The following PTPRG variants were observed in gnomAD, a reference collection of about 807,000 sequenced individuals.
The protein encoded by PTPRG is protein tyrosine phosphatase receptor type G.
A neutral mutation model predicts 165.3 loss-of-function variants in PTPRG; 102 were observed. The ratio of observed to expected loss-of-function variants is 0.62; its 90% CI spans 0.53 to 0.73. The LOEUF (loss-of-function observed/expected upper bound fraction) is 0.73. Ranked by LOEUF, PTPRG falls within the 30% of genes least tolerant of loss-of-function variation. The pLI is 0.00. For missense variants in PTPRG, 1,866 were observed against 1,861.4 expected, an observed-to-expected ratio of 1.00 and a Z score of -0.05; for synonymous variants, 675 against 669.5, an observed-to-expected ratio of 1.01 and a Z score of -0.13.
intron 1 of PTPRG, among the ~76,000 whole-genome samples, chr3:61,662,661 A>G (rs1236927671): frequency 4.6e-5 from 7 of 152,242 alleles, no homozygotes; most frequent in South Asian, 4.1e-4. Flanking sequence ...AACTGAATCC[A>G]TAAGAAGATG....
rs2106912659 is a variant in PTPRG, at chr3:62,228,084, C to T, written c.2289-3141C>T. Among the ~76,000 whole-genome samples the T allele has an allele frequency of 6.6e-6, 1 of 152,172 alleles. No homozygotes were observed. Among genetic ancestry groups the T allele is most frequent in the Non-Finnish European group, 1.5e-5 (1 of 68,010 alleles). The stretch of plus-strand genomic sequence containing the variant: ...TGGCCCCTGTGGGTGGTTGATTTTG[C>T]ATTCCCCTGGGTTGCAATAGTGATC... On this transcript the variant is annotated intron_variant, in intron 13 of 29. Coordinates refer to ENST00000474889, the MANE Select transcript of PTPRG (RefSeq NM_002841.4). The surrounding 1 kb of genome is among the most constrained non-coding windows in gnomAD (Gnocchi z 4.1).
chr3:61,709,369 C>G (rs765583127), intron 1 of PTPRG, among the ~76,000 whole-genome samples: 1 of 151,988 alleles, frequency 6.6e-6, no homozygotes, highest in Non-Finnish European at 1.5e-5. Flanking sequence ...GGCTGGAGTG[C>G]AGTGGCGCAA....
At chr3:62,099,230 G>A (rs1234738015) in intron 5 of PTPRG, among the ~76,000 whole-genome samples, 1 of 152,196 alleles carries the variant, frequency 6.6e-6, no homozygotes, top group African/African-American at 2.4e-5. Flanking sequence ...AGTAGTTGAA[G>A]ATTCTCATAA....
intron 2 of PTPRG, among the ~76,000 whole-genome samples, chr3:61,859,228 A>G (rs772551704): frequency 6.6e-5 from 10 of 152,204 alleles, no homozygotes; most frequent in Non-Finnish European, 1.0e-4. Context: ...AATACCATTC[A>G]TTGGTCATTT....
At position 61,939,102 on chromosome 3, in the gene PTPRG, C is replaced by A. The variant is rs146545796; in HGVS notation, c.191-50523C>A. Among the ~76,000 whole-genome samples, 481 of 152,352 alleles carry A rather than the reference C, an allele frequency of 3.2e-3. 1 individual carries two copies. Among genetic ancestry groups the A allele is most frequent in the African/African-American group, 0.011 (464 of 41,584 alleles). On this transcript the variant is annotated intron_variant, in intron 2 of 29. Coordinates refer to ENST00000474889, the MANE Select transcript of PTPRG (RefSeq NM_002841.4). ...TGGGTACAGGCGCGATGTCCACACT[C>A]ACCATTTTGACAGTTGTTTGGATCC...
chr3:62,041,819 G>A (rs1700139412), intron 4 of PTPRG, among the ~76,000 whole-genome samples: 1 of 152,090 alleles, frequency 6.6e-6, no homozygotes, highest in Non-Finnish European at 1.5e-5. Flanking sequence ...GATGGTGATG[G>A]GGGTGGTTGT....
At position 61,991,712 on chromosome 3, in the gene PTPRG, C is replaced by A. The variant is rs556106132; in HGVS notation, c.370+1908C>A. On this transcript the variant is annotated intron_variant, in intron 3 of 29. Transcript: ENST00000474889. ...CACACTGGGTGCAATCAGATTGGAA[C>A]TGAGTACCACCTCAGCACCACATTC... Among the ~76,000 whole-genome samples, 11 of 152,336 alleles carry A rather than the reference C, an allele frequency of 7.2e-5. No homozygotes were observed. The South Asian group carries it at 2.3e-3, about 32-fold the overall frequency.
intron 2 of PTPRG, among the ~76,000 whole-genome samples, chr3:61,755,656 G>A (rs2033611067): frequency 6.6e-6 from 1 of 152,194 alleles, no homozygotes; most frequent in Admixed American, 6.5e-5. Flanking sequence ...ACAGGCAGGT[G>A]TTTGCCAGGA....
intron 4 of PTPRG, among the ~76,000 whole-genome samples, chr3:62,056,438 C>T (rs1700636864): frequency 6.6e-6 from 1 of 151,914 alleles, no homozygotes; most frequent in Non-Finnish European, 1.5e-5. Flanking sequence ...TTAAGCACAT[C>T]ATTAGTGTTA....
chr3:61,977,905 A>G (rs778894922), intron 2 of PTPRG, among the ~76,000 whole-genome samples: 15 of 152,240 alleles, frequency 9.9e-5, no homozygotes, highest in Admixed American at 2.6e-4. Context: ...AATGTAATTT[A>G]GAGGTCTTTT....
intron 2 of PTPRG, among the ~76,000 whole-genome samples, chr3:61,893,560 C>T (rs191490297): frequency 6.6e-6 from 1 of 152,186 alleles, no homozygotes; most frequent in Non-Finnish European, 1.5e-5. Flanking sequence ...TTGGATGGCT[C>T]ATACAAAAAT....
chr3:61,789,998 C>T (rs1275448041), intron 2 of PTPRG, among the ~76,000 whole-genome samples: 1 of 152,174 alleles, frequency 6.6e-6, no homozygotes, highest in African/African-American at 2.4e-5. Context: ...TTTCCTGGTA[C>T]CATCAGGGTC....
At chr3:62,071,784 G>C (rs1201612842) in intron 4 of PTPRG, among the ~76,000 whole-genome samples, 5 of 152,132 alleles carry the variant, frequency 3.3e-5, no homozygotes, top group African/African-American at 1.2e-4. Flanking sequence ...TAGGAGCTTT[G>C]TAAATTTCAA....
chr3:62,101,189 T>C (rs1200607207), intron 5 of PTPRG, among the ~76,000 whole-genome samples: 1 of 152,230 alleles, frequency 6.6e-6, no homozygotes, highest in Non-Finnish European at 1.5e-5. Context: ...TTTCTACTTT[T>C]GTTTATGTTG....
chr3:62,122,552 C>T (rs880416), intron 5 of PTPRG, among the ~76,000 whole-genome samples: 39,360 of 152,140 alleles, frequency 0.26, 5,265 homozygotes, highest in Middle Eastern at 0.3. Context: ...GCAGCACCCA[C>T]GCCACTGCAT....
chr3:61,574,234 A>C (rs951947931), intron 1 of PTPRG, among the ~76,000 whole-genome samples: 4 of 152,176 alleles, frequency 2.6e-5, no homozygotes, highest in Admixed American at 2.0e-4. Flanking sequence ...AATGAATGCC[A>C]TTGCCCAGTA....
rs116540271 is a variant in PTPRG, at chr3:61,578,441, T to G, written c.85+16069T>G. Reference sequence around the variant, plus strand: ...CAGGGTATTACCAGTGGTCCAGGCTTTAATACAGCTGTGGATTTATTTGAC... The same window carrying G: ...CAGGGTATTACCAGTGGTCCAGGCTGTAATACAGCTGTGGATTTATTTGAC... On this transcript the variant is annotated intron_variant, in intron 1 of 29. Transcript: ENST00000474889. Among the ~76,000 whole-genome samples the G allele has an allele frequency of 7.1e-3, 1,078 of 152,314 alleles. 18 individuals carry two copies. Among genetic ancestry groups the G allele is most frequent in the African/African-American group, 0.024 (1,018 of 41,580 alleles).
intron 1 of PTPRG, among the ~76,000 whole-genome samples, chr3:61,654,369 A>G (rs1255076761): frequency 6.6e-6 from 1 of 151,986 alleles, no homozygotes; most frequent in African/African-American, 2.4e-5. Flanking sequence ...ATATATATTT[A>G]TGATATCATT....
Position 62,219,075 on chromosome 3 carries a change from A to G in PTPRG, c.2288+92A>G. On this transcript the variant is annotated intron_variant, in intron 13 of 29. Transcript: ENST00000474889. The surrounding 1 kb of genome is among the most constrained non-coding windows in gnomAD (Gnocchi z 4.5). ...GGGGAATCCCACGGCCTCTGCATTC[A>G]GGAAGGTGAGGTAGCTTAAGTGTTT... 1 of 1,494,096 alleles carries G rather than the reference A, an allele frequency of 6.7e-7. No individual in the cohort carries two copies. The highest frequency in any genetic ancestry group is 2.3e-5 in the East Asian group (1 of 43,256). The allele number at this position is 1,494,096 out of a possible 1,614,324, so 92.6% of individuals were successfully genotyped here. A position where few individuals can be genotyped will look rare whatever the true frequency, so the allele number is the denominator to read the frequency against.
Sources: allele counts gnomAD v4.1 joint callset (sites outside exome capture counted in the v4.1 genomes callset), GRCh38; gene constraint gnomAD v4.1.1; non-coding constraint Gnocchi (gnomAD v3.1); transcripts MANE v1.5; gene names NCBI Gene and HGNC (gene_info 2026-07-23, HGNC 2026-07-21).